The following MEF2A variants were observed in gnomAD, a reference collection of about 807,000 sequenced individuals.
MEF2A encodes the protein myocyte-specific enhancer factor 2A.
MEF2A carries 28 observed loss-of-function variants against 55.8 expected under a neutral mutation model. The ratio of observed to expected loss-of-function variants is 0.50; its 90% CI spans 0.37 to 0.69. The LOEUF (loss-of-function observed/expected upper bound fraction) is 0.69. Among genes scored for constraint, MEF2A ranks in the 30% least tolerant of loss-of-function variants. The pLI is 0.00. For missense variants in MEF2A, 528 were observed against 626.2 expected, an observed-to-expected ratio of 0.84 and a Z score of 1.67; for synonymous variants, 239 against 227.1, an observed-to-expected ratio of 1.05 and a Z score of -0.47.
intron 1 of MEF2A, among the ~76,000 whole-genome samples, chr15:99,593,345 A>G (rs753275389): frequency 6.6e-6 from 1 of 152,148 alleles, no homozygotes; most frequent in Non-Finnish European, 1.5e-5. Context: ...CAGGCCTCAC[A>G]GTGCGGGGCT....
chr15:99,567,955 A>G (rs1445834470), intron 1 of MEF2A, among the ~76,000 whole-genome samples: 1 of 152,164 alleles, frequency 6.6e-6, no homozygotes, highest in Non-Finnish European at 1.5e-5. Flanking sequence ...GGTGATTTGA[A>G]TGTTTGTAGA....
At chr15:99,677,597 C>A (rs1167947750) in intron 7 of MEF2A, among the ~76,000 whole-genome samples, 7 of 152,044 alleles carry the variant, frequency 4.6e-5, no homozygotes, top group Non-Finnish European at 8.8e-5. Context: ...GACTAGCATA[C>A]GTTAAATTGA....
chr15:99,678,064 A>G (rs2052466180), intron 7 of MEF2A, among the ~76,000 whole-genome samples: 1 of 152,238 alleles, frequency 6.6e-6, no homozygotes. Context: ...TGAATTAACA[A>G]AACAAATACT....
intron 2 of MEF2A, among the ~76,000 whole-genome samples, chr15:99,604,057 T>C (rs1005723673): frequency 3.3e-5 from 5 of 152,254 alleles, no homozygotes; most frequent in African/African-American, 1.2e-4. Context: ...TCTTACCTTT[T>C]GTTCCCAGTA....
intron 8 of MEF2A, among the ~76,000 whole-genome samples, chr15:99,692,012 A>C (rs578055185): frequency 2.5e-4 from 38 of 152,312 alleles, no homozygotes; most frequent in African/African-American, 8.4e-4. Flanking sequence ...TAGTTTAGCA[A>C]CTGTTTGACT....
chr15:99,602,656 GTGTGTGTGTGT>G (rs1973562787), intron 2 of MEF2A, among the ~76,000 whole-genome samples: 2 of 83,170 alleles, frequency 2.4e-5, no homozygotes, highest in Non-Finnish European at 2.2e-5. Flanking sequence ...TTCCTGGGGT[GTGTGTGTGTGT>G]GTGTGTGTGT....
At chr15:99,646,990 C>T (rs755865998) in intron 4 of MEF2A, among the ~76,000 whole-genome samples, 38 of 152,022 alleles carry the variant, frequency 2.5e-4, no homozygotes, top group Admixed American at 2.2e-3. Flanking sequence ...TTAACCTCCC[C>T]TGAATTGTAT....
intron 5 of MEF2A, among the ~76,000 whole-genome samples, chr15:99,674,031 T>C (rs892946112): frequency 6.6e-6 from 1 of 152,170 alleles, no homozygotes; most frequent in African/African-American, 2.4e-5. Context: ...AAGGTTTACA[T>C]TGAAGTGCCA....
At chr15:99,570,922 T>C (rs1961967856) in intron 1 of MEF2A, among the ~76,000 whole-genome samples, 1 of 152,030 alleles carries the variant, frequency 6.6e-6, no homozygotes, top group Non-Finnish European at 1.5e-5. Flanking sequence ...CGGTGGCTCA[T>C]GCCTGTAATT....
chr15:99,679,063 C>G (rs1034254783), intron 7 of MEF2A, among the ~76,000 whole-genome samples: 1 of 152,046 alleles, frequency 6.6e-6, no homozygotes, highest in Non-Finnish European at 1.5e-5. Flanking sequence ...ACCAGAATTG[C>G]TAAGATGAAA....
intron 2 of MEF2A, among the ~76,000 whole-genome samples, chr15:99,620,478 T>G (rs1277058201): frequency 7.9e-5 from 12 of 152,210 alleles, no homozygotes; most frequent in Non-Finnish European, 1.8e-4. Context: ...CTTAGAATGA[T>G]GGCCTCCAGC....
intron 2 of MEF2A, among the ~76,000 whole-genome samples, chr15:99,617,150 ACAT>A (rs747195751): frequency 2.0e-5 from 3 of 152,156 alleles, no homozygotes; most frequent in Non-Finnish European, 4.4e-5. Flanking sequence ...CTTAACTCAC[ACAT>A]CATCATTTCT....
rs1477299523 is a variant in MEF2A at position 99,713,783 on chromosome 15, C to T, written c.*1012C>T. The T allele has an allele frequency of 6.6e-6, 1 of 151,190 alleles. No homozygotes were observed. The highest frequency in any genetic ancestry group is 1.5e-5 in the Non-Finnish European group (1 of 67,834). 9.4% of individuals were successfully genotyped at this position (151,190 alleles called of 1,614,324 possible). On this transcript the variant is annotated 3_prime_UTR_variant, in exon 12 of 12. Transcript: ENST00000557942. ...AACAAAAATATCTTGCAAGCAGAACCTTGGAAAAAAAAAGCCATGAACACT... is the reference window on the plus strand; with the variant it reads ...AACAAAAATATCTTGCAAGCAGAACTTTGGAAAAAAAAAGCCATGAACACT...
At chr15:99,625,201 T>C (rs1567253409) in intron 2 of MEF2A, among the ~76,000 whole-genome samples, 1 of 152,192 alleles carries the variant, frequency 6.6e-6, no homozygotes, top group African/African-American at 2.4e-5. Context: ...GCATCTGTAT[T>C]CTCTTTGATT....
At chr15:99,683,251 C>G (rs936312372) in intron 7 of MEF2A, among the ~76,000 whole-genome samples, 2 of 152,114 alleles carry the variant, frequency 1.3e-5, no homozygotes, top group African/African-American at 4.8e-5. Flanking sequence ...AGGAAATAAC[C>G]TCATGAGGTT....
intron 4 of MEF2A, among the ~76,000 whole-genome samples, chr15:99,648,164 G>C (rs1417675142): frequency 1.3e-5 from 2 of 152,128 alleles, no homozygotes; most frequent in South Asian, 2.1e-4. Flanking sequence ...TTGCCTCATT[G>C]AAGGATATTT....
intron 4 of MEF2A, among the ~76,000 whole-genome samples, chr15:99,653,693 C>T (rs1291070350): frequency 1.3e-5 from 2 of 152,076 alleles, no homozygotes; most frequent in Non-Finnish European, 2.9e-5. Flanking sequence ...GGTAAACCTT[C>T]CATATTGTTT....
chr15:99,587,634 G>C (rs1337005919), intron 1 of MEF2A, among the ~76,000 whole-genome samples: 1 of 152,014 alleles, frequency 6.6e-6, no homozygotes, highest in Non-Finnish European at 1.5e-5. Flanking sequence ...GTATTTTCTA[G>C]TATTCAGAAT....
intron 6 of MEF2A, 33 bp from the exon 7 acceptor site, chr15:99,675,366 C>G (rs565422399): frequency 5.7e-6 from 9 of 1,581,046 alleles, no homozygotes; most frequent in South Asian, 1.1e-5. Flanking sequence ...TATTCATTCT[C>G]TGCCCTCTGT....
Sources: allele counts gnomAD v4.1 joint callset (sites outside exome capture counted in the v4.1 genomes callset), GRCh38; gene constraint gnomAD v4.1.1; transcripts MANE v1.5; gene names NCBI Gene and HGNC (gene_info 2026-07-23, HGNC 2026-07-21).